Variants in TENM3 observed in about 807,000 individuals in gnomAD.
The protein encoded by TENM3 is teneurin transmembrane protein 3, also known as teneurin-3.
TENM3 carries 63 observed loss-of-function variants against 255.1 expected under a neutral mutation model. The observed-to-expected ratio is 0.25, with a 90% confidence interval of 0.20 to 0.30. TENM3 has a LOEUF of 0.30. Among genes scored for constraint, TENM3 ranks in the 10% least tolerant of loss-of-function variants. The pLI, the probability that TENM3 is intolerant of heterozygous loss-of-function variation, is 1.00. For synonymous variants in TENM3, 1,306 were observed against 1,322.3 expected (o/e 0.99, Z 0.27); for missense variants, 2,929 against 3,461.1 (o/e 0.85, Z 3.86).
At position 182,359,971 on chromosome 4, in the gene TENM3, G is replaced by A. The variant is rs565067517; in HGVS notation, c.511+13042G>A. ...ACATCTTTATTTCTGCCTTCATTTC[G>A]TTATGTACCCAATAGTCATTCAGGA... On this transcript the variant is annotated intron_variant, in intron 3 of 27. Transcript: ENST00000511685. 5.5e-3 allele frequency among the ~76,000 whole-genome samples: 833 copies of A among 152,002 alleles called. 10 individuals are homozygous for A. Among genetic ancestry groups the A allele is most frequent in the African/African-American group, 0.019 (794 of 41,436 alleles).
intron 3 of TENM3, among the ~76,000 whole-genome samples, chr4:182,575,675 A>G (rs551148880): frequency 2.0e-5 from 3 of 152,324 alleles, no homozygotes; most frequent in Non-Finnish European, 4.4e-5. Context: ...AAAGAATAAC[A>G]TTTTTGTTTA....
intron 1 of TENM3, among the ~76,000 whole-genome samples, chr4:182,180,564 G>A (rs1304718275): frequency 6.6e-6 from 1 of 151,678 alleles, no homozygotes; most frequent in Non-Finnish European, 1.5e-5. Flanking sequence ...ATGAGTAAAT[G>A]GCCAGGCTTT....
At chr4:181,719,926 C>T in the TENM3 span, among the ~76,000 whole-genome samples, 1 of 152,142 alleles carries the variant, frequency 6.6e-6, no homozygotes, top group African/African-American at 2.4e-5. Flanking sequence ...TTCAATTTCA[C>T]AAATATGTAT....
At chr4:182,622,197 T>TA (rs1162033857) in intron 4 of TENM3, among the ~76,000 whole-genome samples, 1 of 151,868 alleles carries the variant, frequency 6.6e-6, no homozygotes, top group East Asian at 1.9e-4. Context: ...TCGTCTCTAC[T>TA]AAAAATACAG....
At chr4:182,622,354 A>T (rs1750370013) in intron 4 of TENM3, among the ~76,000 whole-genome samples, 1 of 152,208 alleles carries the variant, frequency 6.6e-6, no homozygotes, top group East Asian at 1.9e-4. Context: ...TCGCAAAAAA[A>T]AAGAAAAAGA....
At chr4:181,522,676 T>C in the TENM3 span, 1 of 639,712 alleles carries the variant, frequency 1.6e-6, no homozygotes, top group South Asian at 1.4e-5. Context: ...CAGAATGATG[T>C]GGACATAGCT....
intron 1 of TENM3, among the ~76,000 whole-genome samples, chr4:182,297,760 A>C (rs1050507313): frequency 1.3e-5 from 2 of 152,198 alleles, no homozygotes; most frequent in Admixed American, 6.5e-5. Context: ...ATACAAGTGG[A>C]GTATAGAACA....
the TENM3 span, among the ~76,000 whole-genome samples, chr4:181,684,520 A>T: frequency 1.3e-5 from 2 of 152,198 alleles, no homozygotes; most frequent in African/African-American, 2.4e-5. Flanking sequence ...GTGATGATGT[A>T]ACTGGCCACA....
the TENM3 span, among the ~76,000 whole-genome samples, chr4:182,111,343 C>G: frequency 1.3e-5 from 2 of 151,984 alleles, no homozygotes; most frequent in Non-Finnish European, 2.9e-5. Context: ...AGCAATAAAC[C>G]ATAATGGTCT....
chr4:181,742,876 T>C, the TENM3 span, among the ~76,000 whole-genome samples: 6 of 141,768 alleles, frequency 4.2e-5, no homozygotes, highest in Non-Finnish European at 7.6e-5. Context: ...CCTTCCTGTG[T>C]CCATGTGTTC....
chr4:181,542,406 T>G, the TENM3 span, among the ~76,000 whole-genome samples: 247 of 152,262 alleles, frequency 1.6e-3, no homozygotes, highest in African/African-American at 5.2e-3. Flanking sequence ...GGGAAGCCAT[T>G]AAAGGTTTTG....
chr4:181,511,826 C>A, the TENM3 span, among the ~76,000 whole-genome samples: 3 of 151,952 alleles, frequency 2.0e-5, no homozygotes, highest in Admixed American at 2.0e-4. Context: ...CGGGGTGTAT[C>A]CAGTCACGGA....
At chr4:182,741,609 C>G (rs1474937927) in intron 18 of TENM3, among the ~76,000 whole-genome samples, 3 of 152,166 alleles carry the variant, frequency 2.0e-5, no homozygotes, top group Non-Finnish European at 2.9e-5. Context: ...GAAATTATAG[C>G]TCCATAATTA....
the TENM3 span, among the ~76,000 whole-genome samples, chr4:182,044,748 CAA>C: frequency 6.6e-6 from 1 of 152,130 alleles, no homozygotes; most frequent in Non-Finnish European, 1.5e-5. Context: ...CTCAAGATTG[CAA>C]AGCCTTTGGC....
the TENM3 span, among the ~76,000 whole-genome samples, chr4:181,743,139 G>A: frequency 6.5e-4 from 99 of 152,028 alleles, 1 homozygote; most frequent in Non-Finnish European, 2.4e-4. Context: ...GTAAACATAC[G>A]TGTGCATGTG....
chr4:181,748,371 T>C, the TENM3 span, among the ~76,000 whole-genome samples: 1 of 152,100 alleles, frequency 6.6e-6, no homozygotes, highest in African/African-American at 2.4e-5. Flanking sequence ...TTACATTTAT[T>C]TCACAAGTAC....
At chr4:182,797,215 G>T (rs190669697) in intron 27 of TENM3, among the ~76,000 whole-genome samples, 6 of 152,074 alleles carry the variant, frequency 3.9e-5, no homozygotes, top group Admixed American at 2.6e-4. Flanking sequence ...CGAGGAGGTC[G>T]GATCACCTGA....
chr4:181,906,122 G>A, the TENM3 span: 1 of 302,280 alleles, frequency 3.3e-6, no homozygotes, highest in Non-Finnish European at 6.7e-6. Context: ...TGGCAGGCAG[G>A]GCAATTTGGG....
rs1281790163 is a variant in TENM3, at chr4:182,650,889, A to AAAATATAT, written c.989-2881_989-2880insAATATATA. Among the ~76,000 whole-genome samples the AAAATATAT allele has an allele frequency of 3.1e-3, 91 of 29,660 alleles. 1 individual carries two copies. Among genetic ancestry groups the AAAATATAT allele is most frequent in the South Asian group, 9.8e-3 (11 of 1,120 alleles). The allele number at this position is 29,660 out of a possible 152,430, so 19.5% of individuals were successfully genotyped here. A position where few individuals can be genotyped will look rare whatever the true frequency, so the allele number is the denominator to read the frequency against. On this transcript the variant is annotated intron_variant, in intron 5 of 27. Coordinates refer to ENST00000511685, the MANE Select transcript of TENM3 (RefSeq NM_001080477.4). The stretch of plus-strand genomic sequence containing the variant: ...ATTGAGATTTTCTGTAATAAAAAAA[A>AAAATATAT]ATATATATATATATATATATATATA...
Sources: allele counts gnomAD v4.1 joint callset (sites outside exome capture counted in the v4.1 genomes callset), GRCh38; gene constraint gnomAD v4.1.1; transcripts MANE v1.5; gene names NCBI Gene and HGNC (gene_info 2026-07-23, HGNC 2026-07-21).